Variants in ARNT2 observed in about 807,000 individuals in gnomAD.
ARNT2 encodes ARNT protein 2.
A neutral mutation model predicts 91.7 loss-of-function variants in ARNT2; 36 were observed. The observed-to-expected ratio is 0.39, with a 90% CI of 0.30 to 0.52. The LOEUF (loss-of-function observed/expected upper bound fraction) is 0.52. ARNT2 is among the 20% of genes least tolerant of loss of function. The probability of loss-of-function intolerance (pLI) is 0.72; values close to 1 mark genes in which losing one functional copy is unlikely to be tolerated. For missense variants in ARNT2, 775 were observed against 939.3 expected (o/e 0.83, Z 2.29); for synonymous variants, 365 against 347.1 (o/e 1.05, Z -0.57).
At chr15:80,453,556 A>G (rs543214335) in intron 2 of ARNT2, among the ~76,000 whole-genome samples, 1 of 152,334 alleles carries the variant, frequency 6.6e-6, no homozygotes, top group East Asian at 1.9e-4. Context: ...CTGTTCTAGA[A>G]GCTCATGATA....
At chr15:80,556,537 G>A (rs963344016) in intron 11 of ARNT2, 4 of 152,818 alleles carry the variant, frequency 2.6e-5, no homozygotes, top group Admixed American at 1.3e-4. Flanking sequence ...TGTTTGATGA[G>A]TGCTGATGCT....
At chr15:80,437,731 C>A (rs1277424799) in intron 1 of ARNT2, among the ~76,000 whole-genome samples, 2 of 152,166 alleles carry the variant, frequency 1.3e-5, no homozygotes, top group Admixed American at 6.5e-5. Context: ...CCAATTCCCA[C>A]GCAGCCTGCC....
chr15:80,584,922 G>A (rs1898866655), intron 17 of ARNT2, among the ~76,000 whole-genome samples: 1 of 152,236 alleles, frequency 6.6e-6, no homozygotes, highest in Non-Finnish European at 1.5e-5. Flanking sequence ...GGTGGACCAG[G>A]GGCAGACATC....
intron 8 of ARNT2, among the ~76,000 whole-genome samples, chr15:80,540,270 C>A (rs192383280): frequency 6.6e-6 from 1 of 152,320 alleles, no homozygotes; most frequent in African/African-American, 2.4e-5. Flanking sequence ...TACATTTCCA[C>A]CAGCAGTGTG....
At chr15:80,482,415 G>C (rs1896904417) in intron 5 of ARNT2, among the ~76,000 whole-genome samples, 1 of 152,172 alleles carries the variant, frequency 6.6e-6, no homozygotes, top group South Asian at 2.1e-4. Context: ...GGCTCATCAA[G>C]GTCCTATGCA....
chr15:80,466,719 C>T (rs1896660753), intron 3 of ARNT2, among the ~76,000 whole-genome samples: 1 of 152,260 alleles, frequency 6.6e-6, no homozygotes, highest in African/African-American at 2.4e-5. Context: ...ATGTCACTCA[C>T]TTATCAAATC....
At chr15:80,552,358 A>G (rs1185865672) in intron 9 of ARNT2, among the ~76,000 whole-genome samples, 4 of 152,204 alleles carry the variant, frequency 2.6e-5, no homozygotes, top group South Asian at 4.1e-4. Flanking sequence ...TTAACATGCA[A>G]TATCCCTTTT....
chr15:80,517,643 T>TC (rs1897461576), intron 8 of ARNT2, among the ~76,000 whole-genome samples: 1 of 150,684 alleles, frequency 6.6e-6, no homozygotes, highest in Non-Finnish European at 1.5e-5. Flanking sequence ...TTTTTTTTTT[T>TC]CATTCTTTTT....
At chr15:80,477,800 G>A (rs758845903) in intron 5 of ARNT2, among the ~76,000 whole-genome samples, 7 of 152,140 alleles carry the variant, frequency 4.6e-5, no homozygotes, top group South Asian at 2.1e-4. Context: ...TAATTTTAGC[G>A]GGGAACACAA....
At chr15:80,427,869 T>C (rs1010120227) in intron 1 of ARNT2, among the ~76,000 whole-genome samples, 1 of 152,262 alleles carries the variant, frequency 6.6e-6, no homozygotes, top group African/African-American at 2.4e-5. Context: ...AATTATTCCT[T>C]GTCCCTGGAT....
In ARNT2 at chr15:80,540,054, A is replaced by G. The variant is rs182091951; in HGVS notation, c.878-11145A>G. Among the ~76,000 whole-genome samples the G allele has an allele frequency of 6.0e-4, 91 of 152,276 alleles. 1 individual carries two copies. Among genetic ancestry groups the G allele is most frequent in the Non-Finnish European group, 9.7e-4 (66 of 68,014 alleles). ...ACTACTGGGTATTTATCCGAAGGAAAAGAAATCAATATATCAAAGAGATAT... is the reference window on the plus strand; with the variant it reads ...ACTACTGGGTATTTATCCGAAGGAAGAGAAATCAATATATCAAAGAGATAT... On this transcript the variant is annotated intron_variant, in intron 8 of 18. Coordinates refer to ENST00000303329, the MANE Select transcript of ARNT2 (RefSeq NM_014862.4).
At chr15:80,543,030 A>C (rs571765509) in intron 8 of ARNT2, among the ~76,000 whole-genome samples, 1 of 150,454 alleles carries the variant, frequency 6.6e-6, no homozygotes, top group Admixed American at 6.6e-5. Context: ...CTGGGAGGTC[A>C]AGACTGCAGT....
In ARNT2 at chr15:80,580,531, TC is replaced by T; in HGVS notation, c.1736del (p.Pro579ArgfsTer248). 1 of 1,614,050 alleles carries T rather than the reference TC, an allele frequency of 6.2e-7. No homozygotes were observed. Among genetic ancestry groups the T allele is most frequent in the Non-Finnish European group, 8.5e-7 (1 of 1,180,008 alleles). ...GTCAGGTGGCATGGACAGGGAGTCG[TC>T]CGCCCTTTCCGGGACAGGTATGGGC... is the stretch of plus-strand genomic sequence containing the variant. Reference protein sequence around the residue: ...QSQVAWTGSRPPFPGQQIPSQ... With the variant: ...QSQVAWTGSRXPFPGQQIPSQ... On this transcript the variant is annotated frameshift_variant, in exon 16 of 19. Transcript: ENST00000303329. LOFTEE classifies it high-confidence loss of function.
chr15:80,510,266 G>T (rs1230388321), intron 6 of ARNT2, among the ~76,000 whole-genome samples: 2 of 152,056 alleles, frequency 1.3e-5, no homozygotes, highest in South Asian at 2.1e-4. Context: ...AAAGGTTGTT[G>T]GGGGGAGCTG....
intron 2 of ARNT2, among the ~76,000 whole-genome samples, chr15:80,454,206 A>T (rs1290627182): frequency 6.6e-6 from 1 of 151,582 alleles, no homozygotes; most frequent in Non-Finnish European, 1.5e-5. Flanking sequence ...CCTGGAATGC[A>T]TGTTTGTAGT....
At chr15:80,589,597 A>G (rs1184234885) in intron 17 of ARNT2, among the ~76,000 whole-genome samples, 1 of 152,114 alleles carries the variant, frequency 6.6e-6, no homozygotes, top group Non-Finnish European at 1.5e-5. Flanking sequence ...AGCAACATGG[A>G]CCCACTGAAG....
intron 5 of ARNT2, among the ~76,000 whole-genome samples, chr15:80,505,927 G>GTTTTTTTTTTTTT (rs1161520898): frequency 0.019 from 1,682 of 88,836 alleles, 160 homozygotes; most frequent in Non-Finnish European, 0.023. Flanking sequence ...AACATTTGTT[G>GTTTTTTTTTTTTT]TTTTTTTTTT....
chr15:80,450,083 C>T (rs1896363840), intron 1 of ARNT2, among the ~76,000 whole-genome samples: 1 of 152,144 alleles, frequency 6.6e-6, no homozygotes, highest in Non-Finnish European at 1.5e-5. Flanking sequence ...AGAGAGACTG[C>T]TTAGTGTGGT....
At position 80,450,997 on chromosome 15, in the gene ARNT2, A is replaced by G; in HGVS notation, c.146+3A>G. The stretch of plus-strand genomic sequence containing the variant: ...CGTGGAGGAAAGCGGCGTTCCGGGT[A>G]AGCGACCTCAGCGTTTCCAGGAATT... On this transcript the variant is annotated splice_donor_region_variant and intron_variant, in intron 2 of 18. Coordinates refer to ENST00000303329, the MANE Select transcript of ARNT2 (RefSeq NM_014862.4). 1 of 1,612,844 alleles carries G rather than the reference A, an allele frequency of 6.2e-7. No homozygotes were observed. The highest frequency in any genetic ancestry group is 8.5e-7 in the Non-Finnish European group (1 of 1,179,366).
Sources: gnomAD v4.1 joint callset for allele counts (sites outside exome capture counted in the v4.1 genomes callset) on GRCh38, gnomAD v4.1.1 for gene constraint, MANE v1.5 for transcripts, NCBI Gene and HGNC (gene_info 2026-07-23, HGNC 2026-07-21) for gene names.